The following EPB41 variants were observed in gnomAD, a reference collection of about 807,000 sequenced individuals.
EPB41 encodes the protein erythrocyte membrane protein band 4.1.
Under a neutral mutation model 108.0 loss-of-function variants are expected in EPB41, and 65 were observed. The observed-to-expected ratio is 0.60, with a 90% CI of 0.49 to 0.74. The LOEUF (loss-of-function observed/expected upper bound fraction) is 0.74. Among genes scored for constraint, EPB41 ranks in the 30% least tolerant of loss-of-function variants. EPB41 has a pLI of 0.00. For synonymous variants in EPB41, 336 were observed against 358.9 expected, an observed-to-expected ratio of 0.94 and a Z score of 0.72; for missense variants, 875 against 1,037.0, an observed-to-expected ratio of 0.84 and a Z score of 2.15.
intron 12 of EPB41, among the ~76,000 whole-genome samples, chr1:29,057,412 C>A (rs1322310191): frequency 6.6e-6 from 1 of 150,878 alleles, no homozygotes; most frequent in South Asian, 2.1e-4. Flanking sequence ...AGAAATAACC[C>A]CAAACCGTTA....
chr1:28,926,468 C>T (rs186343493), intron 1 of EPB41, among the ~76,000 whole-genome samples: 6 of 152,132 alleles, frequency 3.9e-5, no homozygotes, highest in African/African-American at 7.2e-5. Flanking sequence ...AACTAGCAAG[C>T]GAAAATTCGC....
intron 12 of EPB41, among the ~76,000 whole-genome samples, chr1:29,057,964 C>A (rs1359433633): frequency 6.6e-6 from 1 of 152,154 alleles, no homozygotes; most frequent in East Asian, 1.9e-4. Flanking sequence ...GGAGTAATTT[C>A]ATGTGTCAGT....
Position 29,016,326 on chromosome 1 carries a change from C to T in EPB41, c.905+559C>T, listed in dbSNP as rs374865576. Among the ~76,000 whole-genome samples, 585 of 151,540 alleles carry T rather than the reference C, an allele frequency of 3.9e-3. 36 individuals are homozygous for T. In the South Asian group the frequency reaches 0.12, roughly 31 times the overall value. On this transcript the variant is annotated intron_variant, in intron 6 of 20. Transcript: ENST00000343067. ...GAGTAGCTGGGATTACAGATGTGCA[C>T]CACCACGCCCTGCTAATTTTTTTTT...
At chr1:29,015,607 G>T in intron 5 of EPB41, 85 bp from the exon 6 acceptor site, 2 of 854,974 alleles carry the variant, frequency 2.3e-6, no homozygotes, top group Non-Finnish European at 1.9e-6. Flanking sequence ...AAAAGAAAAA[G>T]AGAAATGTTT....
intron 16 of EPB41, among the ~76,000 whole-genome samples, chr1:29,078,275 CT>C (rs750129592): frequency 1.2e-4 from 19 of 152,262 alleles, no homozygotes; most frequent in Middle Eastern, 3.4e-3. Flanking sequence ...TTGAGGACCC[CT>C]GGTACAGACC....
At chr1:29,094,686 A>G (rs113258389) in intron 16 of EPB41, among the ~76,000 whole-genome samples, 4 of 152,234 alleles carry the variant, frequency 2.6e-5, no homozygotes, top group African/African-American at 9.6e-5. Context: ...TTATTTTTCA[A>G]ATGACTAATT....
intron 1 of EPB41, among the ~76,000 whole-genome samples, chr1:28,939,458 A>G (rs1167858729): frequency 6.6e-6 from 1 of 151,240 alleles, no homozygotes; most frequent in Non-Finnish European, 1.5e-5. Context: ...TTATTTATTT[A>G]TTTTTTTGAG....
rs767791574 is a variant in EPB41 at position 29,030,355 on chromosome 1, G to A, written c.1125-45G>A. On this transcript the variant is annotated intron_variant, in intron 7 of 20. Transcript: ENST00000343067. The stretch of plus-strand genomic sequence containing the variant: ...ATATATAAATGTTACTGTAAATGAT[G>A]ACACTATAACACTGAAAGAATTTTA... 3 of 1,411,194 alleles carry A rather than the reference G, an allele frequency of 2.1e-6. No homozygotes were observed. In the East Asian group the frequency reaches 6.8e-5, roughly 32 times the overall value. The allele number at this position is 1,411,194 out of a possible 1,614,324, so 87.4% of individuals were successfully genotyped here.
At chr1:29,050,820 C>A (rs894563686) in intron 11 of EPB41, among the ~76,000 whole-genome samples, 2 of 151,910 alleles carry the variant, frequency 1.3e-5, no homozygotes, top group Non-Finnish European at 2.9e-5. Context: ...GGACTACAGA[C>A]GCCCGCCACC....
chr1:29,026,294 G>A (rs140666630), intron 7 of EPB41, among the ~76,000 whole-genome samples: 2 of 152,194 alleles, frequency 1.3e-5, no homozygotes, highest in East Asian at 1.9e-4. Flanking sequence ...ATTATGGAAA[G>A]GGAGAAACTA....
In EPB41 at chr1:29,033,098, G is replaced by C; in HGVS notation, c.1218G>C (p.Leu406Phe). 1.2e-6 allele frequency: 2 copies of C among 1,613,770 alleles called. No homozygotes were observed. The highest frequency in any genetic ancestry group is 1.7e-6 in the Non-Finnish European group (2 of 1,179,864). ...CTAACATTTTTCTTTTTCAGGACTT[G>C]GAAGGAGTAGATATCATCCTAGGTG... ...YGVDLHKAKDLEGVDIILGVC... is the reference protein window; with the variant it reads ...YGVDLHKAKDFEGVDIILGVC... The change falls in exon 9 of 21, where the codon TTG (leucine) becomes TTC (phenylalanine). Residue 406 changes from leucine (L) to phenylalanine (F), a missense_variant. Coordinates refer to ENST00000343067, the MANE Select transcript of EPB41 (RefSeq NM_001376013.1).
At position 29,039,296 on chromosome 1, in the gene EPB41, G is replaced by T; in HGVS notation, c.1506G>T (p.Ala502=). Residue 502 remains alanine, a synonymous_variant, in exon 11 of 21, where the codon GCG becomes GCT. Transcript: ENST00000343067. The part of the protein sequence containing the change: ...TDTIPKSKFL[A]LGSKFRYSGR... ...CCATTCCCAAAAGCAAATTTCTTGCGCTAGGATCCAAATTTCGATACAGTG... is the reference window on the plus strand; with the variant it reads ...CCATTCCCAAAAGCAAATTTCTTGCTCTAGGATCCAAATTTCGATACAGTG... 1 of 1,613,940 alleles carries T rather than the reference G, an allele frequency of 6.2e-7. No individual in the cohort carries two copies. Among genetic ancestry groups the T allele is most frequent in the Non-Finnish European group, 8.5e-7 (1 of 1,179,988 alleles).
At position 29,002,464 on chromosome 1, in the gene EPB41, A is replaced by T. The variant is rs963399565; in HGVS notation, c.786+5145A>T. On this transcript the variant is annotated intron_variant, in intron 4 of 20. Transcript: ENST00000343067. ...AGACCCTACCTCAAAAAAAAAAAAA[A>T]GATAGTATTATTGTTTTAAAATGAA... 2.6e-5 allele frequency among the ~76,000 whole-genome samples: 4 copies of T among 151,984 alleles called. No individual in the cohort carries two copies. In the South Asian group the frequency reaches 8.3e-4, roughly 32 times the overall value.
chr1:28,991,865 TATA>T (rs1472874137), intron 2 of EPB41, among the ~76,000 whole-genome samples: 1 of 152,196 alleles, frequency 6.6e-6, no homozygotes, highest in African/African-American at 2.4e-5. Flanking sequence ...CAAGTGGGGA[TATA>T]ATAATACTAC....
At chr1:29,040,787 C>T (rs998043195) in intron 11 of EPB41, among the ~76,000 whole-genome samples, 32 of 152,114 alleles carry the variant, frequency 2.1e-4, no homozygotes, top group African/African-American at 6.3e-4. Context: ...ATTACTGAAA[C>T]GAGGTAATAA....
At chr1:28,969,825 T>A (rs2095452918) in intron 1 of EPB41, among the ~76,000 whole-genome samples, 1 of 152,104 alleles carries the variant, frequency 6.6e-6, no homozygotes, top group African/African-American at 2.4e-5. Context: ...GGCGTGAACC[T>A]GGGAGGCAGA....
chr1:28,913,622 T>A (rs2092373552), upstream of EPB41, among the ~76,000 whole-genome samples: 1 of 152,200 alleles, frequency 6.6e-6, no homozygotes, highest in African/African-American at 2.4e-5. Context: ...CCTGGCTTCT[T>A]ATCCTGTCAG....
intron 14 of EPB41, among the ~76,000 whole-genome samples, chr1:29,059,963 T>C (rs1279480732): frequency 6.6e-6 from 1 of 152,190 alleles, no homozygotes; most frequent in Non-Finnish European, 1.5e-5. Context: ...GATCTAATCT[T>C]TTATTAGATT....
chr1:29,029,935 A>G (rs898697862), intron 7 of EPB41, among the ~76,000 whole-genome samples: 1 of 152,150 alleles, frequency 6.6e-6, no homozygotes, highest in African/African-American at 2.4e-5. Flanking sequence ...TTTAATTTCC[A>G]TAACTCAATT....
Sources: gnomAD v4.1 joint callset for allele counts (sites outside exome capture counted in the v4.1 genomes callset) on GRCh38, gnomAD v4.1.1 for gene constraint, MANE v1.5 for transcripts, NCBI Gene and HGNC (gene_info 2026-07-23, HGNC 2026-07-21) for gene names.